Variants in VWA3B observed in about 807,000 individuals in gnomAD.
VWA3B encodes the protein von Willebrand factor A domain containing 3B, also known as von Willebrand factor A domain-containing protein 3B.
In VWA3B, 138 loss-of-function variants were observed where a neutral mutation model predicts 158.3. That is an observed-to-expected ratio of 0.87 (90% CI 0.76 to 1.00). VWA3B has a LOEUF of 1.00. Ranked by LOEUF, VWA3B falls within the 50% of genes least tolerant of loss-of-function variation. The pLI is 0.00. For synonymous variants in VWA3B, 596 were observed against 587.3 expected, an observed-to-expected ratio of 1.01 and a Z score of -0.21; for missense variants, 1,555 against 1,565.1, an observed-to-expected ratio of 0.99 and a Z score of 0.11.
intron 25 of VWA3B, among the ~76,000 whole-genome samples, chr2:98,301,491 G>A (rs1248623582): frequency 1.3e-5 from 2 of 152,172 alleles, no homozygotes; most frequent in Non-Finnish European, 2.9e-5. Context: ...GAGGCTTGAA[G>A]AAAAGACATG....
At chr2:98,170,059 C>A (rs909186984) in intron 8 of VWA3B, among the ~76,000 whole-genome samples, 1 of 151,912 alleles carries the variant, frequency 6.6e-6, no homozygotes, top group Admixed American at 6.6e-5. Flanking sequence ...AGTGGGGAGT[C>A]GAGGTGGCAG....
At chr2:98,130,767 G>T (rs1229446115) in intron 6 of VWA3B, among the ~76,000 whole-genome samples, 2 of 152,174 alleles carry the variant, frequency 1.3e-5, no homozygotes, top group Non-Finnish European at 2.9e-5. Context: ...GAACAAAATG[G>T]AGTCTCTTAT....
chr2:98,117,792 C>T (rs1674646891), intron 3 of VWA3B, among the ~76,000 whole-genome samples: 1 of 148,366 alleles, frequency 6.7e-6, no homozygotes, highest in Non-Finnish European at 1.5e-5. Flanking sequence ...CTCTGTCACC[C>T]AGGCTGGAGT....
intron 12 of VWA3B, among the ~76,000 whole-genome samples, chr2:98,209,641 C>T (rs1240768252): frequency 2.6e-5 from 4 of 152,066 alleles, no homozygotes; most frequent in East Asian, 3.9e-4. Flanking sequence ...ATACTCTTTC[C>T]CCTCTTTTTT....
Position 98,192,887 on chromosome 2 carries a change from T to TACATTTAA in VWA3B, c.1467-11_1467-10insACATTTAA, listed in dbSNP as rs1217001730. ...CTCTCACCATTCACTTTCAACCTACTTCCTGCCTAGGATTAAATGGCTACA... is the reference window on the plus strand; with the variant it reads ...CTCTCACCATTCACTTTCAACCTACTACATTTAATCCTGCCTAGGATTAAATGGCTACA... On this transcript the variant is annotated splice_polypyrimidine_tract_variant and intron_variant, in intron 10 of 27. Transcript: ENST00000477737. The TACATTTAA allele has an allele frequency of 1.9e-6, 3 of 1,614,186 alleles. No individual in the cohort carries two copies. In the Admixed American group the frequency reaches 5.0e-5, roughly 27 times the overall value.
At chr2:98,236,895 T>A (rs1685736858) in intron 19 of VWA3B, 165 bp downstream of exon 19, 5 of 1,047,958 alleles carry the variant, frequency 4.8e-6, no homozygotes, top group Non-Finnish European at 6.7e-6. Context: ...CTTTTAAGAA[T>A]TTGGGCGCGG....
chr2:98,255,154 C>T (rs944690584), intron 20 of VWA3B, among the ~76,000 whole-genome samples: 3 of 145,646 alleles, frequency 2.1e-5, no homozygotes, highest in African/African-American at 7.7e-5. Flanking sequence ...GCTGGGAGTA[C>T]AGTCGCCCGC....
chr2:98,158,505 G>A (rs1174386527), intron 7 of VWA3B, among the ~76,000 whole-genome samples: 2 of 152,192 alleles, frequency 1.3e-5, no homozygotes, highest in Non-Finnish European at 2.9e-5. Context: ...ACAGAATGAT[G>A]TCACCATCAC....
chr2:98,130,758 A>G (rs1365752100), intron 6 of VWA3B, among the ~76,000 whole-genome samples: 1 of 152,240 alleles, frequency 6.6e-6, no homozygotes, highest in Non-Finnish European at 1.5e-5. Flanking sequence ...CTTAGTACAG[A>G]ACAAAATGGA....
chr2:98,135,571 G>A (rs1313428161), intron 7 of VWA3B, among the ~76,000 whole-genome samples: 1 of 151,612 alleles, frequency 6.6e-6, no homozygotes, highest in Non-Finnish European at 1.5e-5. Flanking sequence ...TCCTGACCTC[G>A]TGATCCGCCC....
chr2:98,266,543 C>A (rs976071063), intron 21 of VWA3B, among the ~76,000 whole-genome samples: 8 of 146,554 alleles, frequency 5.5e-5, no homozygotes, highest in African/African-American at 2.0e-4. Context: ...TTTTTTGGTT[C>A]CATATGAACT....
chr2:98,088,342 C>T (rs1007844571), intron 1 of VWA3B, among the ~76,000 whole-genome samples: 3 of 152,204 alleles, frequency 2.0e-5, no homozygotes, highest in African/African-American at 7.2e-5. Context: ...GTCCCTGAAC[C>T]TCCGAGCACA....
intron 12 of VWA3B, among the ~76,000 whole-genome samples, chr2:98,195,227 C>T (rs1193972029): frequency 1.3e-5 from 2 of 152,150 alleles, no homozygotes; most frequent in Non-Finnish European, 1.5e-5. Context: ...GTAGGAGGAT[C>T]GTTTGAGCCC....
At chr2:98,203,758 A>G (rs1682784296) in intron 12 of VWA3B, among the ~76,000 whole-genome samples, 2 of 152,154 alleles carry the variant, frequency 1.3e-5, no homozygotes, top group African/African-American at 4.8e-5. Flanking sequence ...GTTGGTTTTC[A>G]TGTGTGGACT....
chr2:98,246,166 C>T (rs1004087967), intron 19 of VWA3B, among the ~76,000 whole-genome samples: 5 of 151,990 alleles, frequency 3.3e-5, no homozygotes, highest in African/African-American at 4.8e-5. Flanking sequence ...TCCTATCTAC[C>T]TTCTTCACTT....
rs531875996 is a variant in VWA3B at position 98,174,253 on chromosome 2, A to G, written c.1115-6763A>G. On this transcript the variant is annotated intron_variant, in intron 8 of 27. Transcript: ENST00000477737. The stretch of plus-strand genomic sequence containing the variant: ...ATAGTGAGCTGGTGGCATTTTAGCT[A>G]GTCCTATTCACATTCCCCAGCTCCA... Among the ~76,000 whole-genome samples, 118 of 152,144 alleles carry G rather than the reference A, an allele frequency of 7.8e-4. 1 individual carries two copies. Among genetic ancestry groups the G allele is most frequent in the African/African-American group, 2.5e-3 (104 of 41,524 alleles).
intron 3 of VWA3B, among the ~76,000 whole-genome samples, chr2:98,117,109 C>T (rs1172152849): frequency 6.6e-6 from 1 of 152,120 alleles, no homozygotes; most frequent in Non-Finnish European, 1.5e-5. Context: ...AATGTCATTT[C>T]AGCCATTTCA....
At chr2:98,197,321 G>A (rs532254157) in intron 12 of VWA3B, among the ~76,000 whole-genome samples, 141 of 152,278 alleles carry the variant, frequency 9.3e-4, no homozygotes, top group Non-Finnish European at 1.4e-3. Flanking sequence ...GACCAGCAGT[G>A]TTTACTTTGA....
chr2:98,089,543 C>T (rs1026952289), intron 1 of VWA3B, among the ~76,000 whole-genome samples: 1 of 151,908 alleles, frequency 6.6e-6, no homozygotes, highest in Non-Finnish European at 1.5e-5. Flanking sequence ...GGCTACGTCC[C>T]GGCTCGCAGC....
Sources: allele counts gnomAD v4.1 joint callset (sites outside exome capture counted in the v4.1 genomes callset), GRCh38; gene constraint gnomAD v4.1.1; transcripts MANE v1.5; gene names NCBI Gene and HGNC (gene_info 2026-07-23, HGNC 2026-07-21).